The following HTT variants were observed in gnomAD, a reference collection of about 807,000 sequenced individuals.
The protein encoded by HTT is huntingtin.
Under a neutral mutation model 362.3 loss-of-function variants are expected in HTT, and 104 were observed. The ratio of observed to expected loss-of-function variants is 0.29; its 90% confidence interval spans 0.24 to 0.34. The LOEUF is 0.34. HTT is among the 10% of genes least tolerant of loss of function. The probability of loss-of-function intolerance (pLI) is 1.00; values close to 1 mark genes in which losing one functional copy is unlikely to be tolerated. For missense variants in HTT, 3,301 were observed against 3,928.6 expected, an observed-to-expected ratio of 0.84 and a Z score of 4.27; for synonymous variants, 1,577 against 1,548.7, an observed-to-expected ratio of 1.02 and a Z score of -0.43.
chr4:3,106,213 A>G (rs1714413905), intron 5 of HTT, among the ~76,000 whole-genome samples: 1 of 152,100 alleles, frequency 6.6e-6, no homozygotes. Context: ...AAACTTAGCC[A>G]GGCATGGTGG....
intron 1 of HTT, among the ~76,000 whole-genome samples, chr4:3,083,310 C>T (rs1713012467): frequency 6.6e-6 from 1 of 151,942 alleles, no homozygotes; most frequent in Admixed American, 6.6e-5. Flanking sequence ...TGCCTGAGGC[C>T]AGACGACCAG....
At chr4:3,093,152 C>T (rs879441361) in intron 2 of HTT, among the ~76,000 whole-genome samples, 40 of 152,134 alleles carry the variant, frequency 2.6e-4, no homozygotes, top group Admixed American at 1.4e-3. Context: ...CGAGCACTTG[C>T]TTGTGCGGAA....
chr4:3,151,039 A>G (rs779307819), intron 26 of HTT, among the ~76,000 whole-genome samples: 32 of 150,734 alleles, frequency 2.1e-4, no homozygotes, highest in Non-Finnish European at 4.6e-4. Flanking sequence ...ACTCTGTCTC[A>G]AAAACAAAAC....
At chr4:3,173,217 A>G in intron 31 of HTT, 86 bp downstream of exon 31, 1 of 1,044,344 alleles carries the variant, frequency 9.6e-7, no homozygotes. Flanking sequence ...AAAACGAAAA[A>G]TGTTAGCGAA....
At chr4:3,209,012 G>A in intron 46 of HTT, 101 bp downstream of exon 46, 1 of 1,288,128 alleles carries the variant, frequency 7.8e-7, no homozygotes, top group South Asian at 1.5e-5. Context: ...TGGACCCAAG[G>A]AGTTCTGGCG....
At chr4:3,186,292 G>A (rs1005445447) in intron 37 of HTT, among the ~76,000 whole-genome samples, 1 of 152,078 alleles carries the variant, frequency 6.6e-6, no homozygotes, top group East Asian at 1.9e-4. Context: ...ATTGTGTCAG[G>A]GTGCTGCAGT....
intron 1 of HTT, among the ~76,000 whole-genome samples, chr4:3,081,674 C>CG (rs1712917236): frequency 6.6e-6 from 1 of 150,598 alleles, no homozygotes. Context: ...TTCTCCTGCA[C>CG]GGCCTCCCTA....
At chr4:3,082,312 C>A (rs966048088) in intron 1 of HTT, among the ~76,000 whole-genome samples, 1 of 151,262 alleles carries the variant, frequency 6.6e-6, no homozygotes, top group East Asian at 1.9e-4. Flanking sequence ...GTCCCCATCC[C>A]CATCACCTCC....
At chr4:3,123,759 T>TAA (rs1350964570) in intron 10 of HTT, among the ~76,000 whole-genome samples, 1 of 152,288 alleles carries the variant, frequency 6.6e-6, no homozygotes, top group African/African-American at 2.4e-5. Context: ...CAGCCATATT[T>TAA]AACTTTGTAC....
chr4:3,235,944 G>A (rs1262969179), intron 63 of HTT, among the ~76,000 whole-genome samples, 166 bp downstream of exon 63: 1 of 152,216 alleles, frequency 6.6e-6, no homozygotes, highest in Non-Finnish European at 1.5e-5. Flanking sequence ...AGCCCCCAGG[G>A]CTGGAGTACC....
intron 29 of HTT, among the ~76,000 whole-genome samples, chr4:3,164,783 C>T (rs1034052692): frequency 1.3e-5 from 2 of 152,088 alleles, no homozygotes; most frequent in African/African-American, 4.8e-5. Flanking sequence ...GTTAGATCTT[C>T]CTCCATCCCT....
chr4:3,229,075 C>T (rs1482122125), intron 59 of HTT, 66 bp downstream of exon 59: 1 of 1,472,844 alleles, frequency 6.8e-7, no homozygotes, highest in South Asian at 1.2e-5. Context: ...GCCACACACC[C>T]CACACACACA....
intron 1 of HTT, among the ~76,000 whole-genome samples, chr4:3,075,329 C>T (rs937364479): frequency 6.6e-6 from 1 of 152,364 alleles, no homozygotes; most frequent in Admixed American, 6.5e-5. Flanking sequence ...GAGGCAGAGC[C>T]TTGTTGGGGC....
chr4:3,188,798 C>T, intron 39 of HTT, 153 bp from the exon 40 acceptor site: 1 of 665,802 alleles, frequency 1.5e-6, no homozygotes. Context: ...TGACTGTGTC[C>T]ACGGCGACGG....
At chr4:3,234,305 CA>C (rs1178769522) in intron 61 of HTT, among the ~76,000 whole-genome samples, 1 of 152,244 alleles carries the variant, frequency 6.6e-6, no homozygotes, top group East Asian at 1.9e-4. Flanking sequence ...CAGAGTGTCA[CA>C]AGCCCGTGGG....
intron 7 of HTT, among the ~76,000 whole-genome samples, 153 bp downstream of exon 7, chr4:3,115,598 G>A (rs1027740539): frequency 3.3e-5 from 5 of 152,210 alleles, no homozygotes; most frequent in Non-Finnish European, 7.3e-5. Flanking sequence ...CTGTGAGCCC[G>A]CATGGGTCTC....
At chr4:3,089,911 T>C (rs913423964) in intron 2 of HTT, among the ~76,000 whole-genome samples, 4 of 152,224 alleles carry the variant, frequency 2.6e-5, no homozygotes, top group African/African-American at 7.2e-5. Flanking sequence ...TGAGAGTTCA[T>C]TATGCTTGTT....
chr4:3,155,454 TG>T (rs1717092598), intron 27 of HTT, among the ~76,000 whole-genome samples: 2 of 151,500 alleles, frequency 1.3e-5, no homozygotes, highest in South Asian at 4.2e-4. Flanking sequence ...CTTGATCTCC[TG>T]ACCTCGTGAT....
At chr4:3,212,961 G>A (rs1720233986) in intron 49 of HTT, 1 of 439,606 alleles carries the variant, frequency 2.3e-6, no homozygotes, top group African/African-American at 2.0e-5. Context: ...ATGTTAGGTG[G>A]ATCCTAATTT....
Sources: allele counts gnomAD v4.1 joint callset (sites outside exome capture counted in the v4.1 genomes callset), GRCh38; gene constraint gnomAD v4.1.1; transcripts MANE v1.5; gene names NCBI Gene and HGNC (gene_info 2026-07-23, HGNC 2026-07-21).